TRPS1: variants seen among roughly 807,000 people sequenced by gnomAD.
TRPS1 encodes zinc finger transcription factor Trps1.
TRPS1 carries 6 observed loss-of-function variants against 101.2 expected under a neutral mutation model. The observed-to-expected ratio is 0.06, with a 90% CI of 0.03 to 0.12. The LOEUF is 0.12. TRPS1 is among the 10% of genes least tolerant of loss of function. TRPS1 has a pLI of 1.00. For synonymous variants in TRPS1, 578 were observed against 589.8 expected, an observed-to-expected ratio of 0.98 and a Z score of 0.29; for missense variants, 1,363 against 1,567.0, an observed-to-expected ratio of 0.87 and a Z score of 2.20.
At chr8:115,472,107 G>C (rs185003409) in intron 5 of TRPS1, among the ~76,000 whole-genome samples, 73 of 152,244 alleles carry the variant, frequency 4.8e-4, no homozygotes, top group East Asian at 2.1e-3. Flanking sequence ...AACTCTTTGT[G>C]GGGGGGCTCC....
At chr8:115,566,151 T>C (rs1323294903) in intron 5 of TRPS1, among the ~76,000 whole-genome samples, 1 of 152,148 alleles carries the variant, frequency 6.6e-6, no homozygotes, top group African/African-American at 2.4e-5. Context: ...AGAAAGAATA[T>C]CTACATGTAG....
At chr8:115,564,524 A>C (rs1310593516) in intron 5 of TRPS1, among the ~76,000 whole-genome samples, 1 of 152,116 alleles carries the variant, frequency 6.6e-6, no homozygotes, top group African/African-American at 2.4e-5. Flanking sequence ...ATGCAGGGAG[A>C]AATGACAATT....
At chr8:115,564,618 T>C (rs1817024901) in intron 5 of TRPS1, among the ~76,000 whole-genome samples, 1 of 152,108 alleles carries the variant, frequency 6.6e-6, no homozygotes, top group African/African-American at 2.4e-5. Context: ...CAGCTCATAG[T>C]GCCCATTACA....
At chr8:115,648,239 G>A (rs1811466910) in intron 1 of TRPS1, among the ~76,000 whole-genome samples, 1 of 151,138 alleles carries the variant, frequency 6.6e-6, no homozygotes, top group South Asian at 2.1e-4. Context: ...GGGAAGAAGC[G>A]GGCAGGAGGC....
intron 5 of TRPS1, among the ~76,000 whole-genome samples, chr8:115,512,314 A>C (rs1815605554): frequency 6.6e-6 from 1 of 151,674 alleles, no homozygotes; most frequent in African/African-American, 2.4e-5. Flanking sequence ...ATTCCTTAGG[A>C]ACTAGTTTGT....
rs563191175 is a variant in TRPS1 at position 115,649,895 on chromosome 8, A to G, written c.-122+18650T>C. 2.2e-4 allele frequency among the ~76,000 whole-genome samples: 34 copies of G among 152,314 alleles called. 1 individual carries two copies. The highest frequency in any genetic ancestry group is 1.6e-3 in the Admixed American group (24 of 15,298). On this transcript the variant is annotated intron_variant, in intron 1 of 6. Coordinates refer to ENST00000395715, the MANE Select transcript of TRPS1 (RefSeq NM_014112.5). ...CAGCACACATGCTGTACAGCTGGCA[A>G]TAGAGGCATCTTCAACAGCATCCAC...
rs557290589 is a variant in TRPS1, at chr8:115,587,292, G to A, written c.2409C>T (p.Arg803=). The part of the protein sequence containing the change: ...VWTESSSDDL[R]NVTWRGADIL... The stretch of plus-strand genomic sequence containing the variant: ...TGTCTGCCCCTCTCCAAGTCACATT[G>A]CGAAGGTCATCACTGGAACTCTCGG... The change falls in exon 5 of 7, where the codon CGC becomes CGT. Residue 803 remains arginine (R), a synonymous_variant. Transcript: ENST00000395715. 648 of 1,614,182 alleles carry A rather than the reference G, an allele frequency of 4.0e-4. 9 individuals carry two copies. The South Asian group carries it at 6.9e-3, about 17-fold the overall frequency.
intron 3 of TRPS1, among the ~76,000 whole-genome samples, chr8:115,613,096 C>G (rs1172948140): frequency 1.3e-5 from 2 of 152,116 alleles, no homozygotes; most frequent in Admixed American, 1.3e-4. Context: ...ACAAAGTCCT[C>G]TAAATGAGGG....
intron 5 of TRPS1, among the ~76,000 whole-genome samples, chr8:115,556,442 C>G (rs529641206): frequency 6.6e-6 from 1 of 152,080 alleles, no homozygotes; most frequent in South Asian, 2.1e-4. Flanking sequence ...TTAAATCTCT[C>G]GGAGTCAACT....
intron 1 of TRPS1, chr8:115,637,159 A>G (rs1051615398): frequency 7.7e-6 from 6 of 784,252 alleles, no homozygotes; most frequent in Non-Finnish European, 7.7e-6. Flanking sequence ...GGAGTAAGAG[A>G]AACAAACGGT....
intron 5 of TRPS1, among the ~76,000 whole-genome samples, chr8:115,533,436 G>GTTTTTTTTCTT (rs1816188680): frequency 2.9e-5 from 1 of 34,986 alleles, no homozygotes; most frequent in Non-Finnish European, 5.3e-5. Context: ...CATGTAATCT[G>GTTTTTTTTCTT]TTTTTTTTTT....
intron 5 of TRPS1, among the ~76,000 whole-genome samples, chr8:115,429,132 C>T (rs73705193): frequency 0.035 from 5,291 of 152,176 alleles, 315 homozygotes; most frequent in African/African-American, 0.12. Context: ...GGAAAACTAC[C>T]TCTTCAATAA....
At chr8:115,530,355 AAT>A (rs1475517532) in intron 5 of TRPS1, among the ~76,000 whole-genome samples, 2 of 152,162 alleles carry the variant, frequency 1.3e-5, no homozygotes, top group African/African-American at 4.8e-5. Context: ...AAAGTCCAGA[AAT>A]GGTAAAATGT....
At chr8:115,489,189 A>G (rs1814961198) in intron 5 of TRPS1, among the ~76,000 whole-genome samples, 1 of 152,164 alleles carries the variant, frequency 6.6e-6, no homozygotes, top group African/African-American at 2.4e-5. Context: ...AACATACACT[A>G]TATGAGACAC....
intron 5 of TRPS1, among the ~76,000 whole-genome samples, chr8:115,488,446 T>A (rs1333844164): frequency 1.3e-5 from 2 of 152,176 alleles, no homozygotes; most frequent in Non-Finnish European, 2.9e-5. Flanking sequence ...ATCCCAGCCC[T>A]TTGGGAGGCC....
At chr8:115,449,803 A>C (rs1813822359) in intron 5 of TRPS1, among the ~76,000 whole-genome samples, 1 of 152,230 alleles carries the variant, frequency 6.6e-6, no homozygotes, top group African/African-American at 2.4e-5. Flanking sequence ...CAATAATGGC[A>C]TACATAATTA....
chr8:115,467,771 G>A (rs893426621), intron 5 of TRPS1, among the ~76,000 whole-genome samples: 1 of 152,170 alleles, frequency 6.6e-6, no homozygotes, highest in Non-Finnish European at 1.5e-5. Context: ...AGCTCACTGT[G>A]TAAATAACCC....
chr8:115,447,138 G>T (rs1002061755), intron 5 of TRPS1, among the ~76,000 whole-genome samples: 1 of 152,108 alleles, frequency 6.6e-6, no homozygotes, highest in Non-Finnish European at 1.5e-5. Context: ...TCAAGTTTGA[G>T]AGTCACTTCC....
chr8:115,518,006 G>A (rs1324772351), intron 5 of TRPS1, among the ~76,000 whole-genome samples: 1 of 96,416 alleles, frequency 1.0e-5, no homozygotes, highest in East Asian at 3.1e-4. Context: ...TGTAGGAAAG[G>A]CTTCCAAACA....
Sources: gnomAD v4.1 joint callset for allele counts (sites outside exome capture counted in the v4.1 genomes callset) on GRCh38, gnomAD v4.1.1 for gene constraint, MANE v1.5 for transcripts, NCBI Gene and HGNC (gene_info 2026-07-23, HGNC 2026-07-21) for gene names.